Variants in SLC4A10 observed in about 807,000 individuals in gnomAD.
SLC4A10 encodes the protein sodium-driven chloride bicarbonate exchanger.
A neutral mutation model predicts 137.7 loss-of-function variants in SLC4A10; 42 were observed. That is an observed-to-expected ratio of 0.30 (90% CI 0.24 to 0.39). The LOEUF (loss-of-function observed/expected upper bound fraction) is 0.39, where lower values mean the gene tolerates loss of function less well. Ranked by LOEUF, SLC4A10 falls within the 10% of genes least tolerant of loss-of-function variation. SLC4A10 has a pLI of 1.00. For synonymous variants in SLC4A10, 474 were observed against 464.1 expected, an observed-to-expected ratio of 1.02 and a Z score of -0.27; for missense variants, 925 against 1,355.0, an observed-to-expected ratio of 0.68 and a Z score of 4.98.
At chr2:161,961,347 C>G (rs1251705642) in intron 21 of SLC4A10, among the ~76,000 whole-genome samples, 1 of 152,134 alleles carries the variant, frequency 6.6e-6, no homozygotes, top group Non-Finnish European at 1.5e-5. Flanking sequence ...GTATGACTGA[C>G]TCTTCATCCT....
intron 1 of SLC4A10, among the ~76,000 whole-genome samples, chr2:161,751,600 T>C (rs1574760731): frequency 1.3e-5 from 2 of 151,856 alleles, no homozygotes; most frequent in African/African-American, 4.8e-5. Context: ...TAGATATTTA[T>C]TGAGTATATT....
chr2:161,697,191 AGATTCTG>A (rs747668152), intron 1 of SLC4A10, among the ~76,000 whole-genome samples: 3 of 150,978 alleles, frequency 2.0e-5, no homozygotes, highest in Non-Finnish European at 4.4e-5. Context: ...AATTCATTGT[AGATTCTG>A]GATATTAGCC....
intron 15 of SLC4A10, among the ~76,000 whole-genome samples, chr2:161,913,561 A>C (rs936859511): frequency 6.6e-6 from 1 of 152,190 alleles, no homozygotes; most frequent in Non-Finnish European, 1.5e-5. Flanking sequence ...AATTCCAGAG[A>C]AAGTAGCACG....
intron 11 of SLC4A10, among the ~76,000 whole-genome samples, chr2:161,898,630 C>CTGATAACAGGTTAACCTGTTAT (rs2063761176): frequency 6.6e-6 from 1 of 152,052 alleles, no homozygotes; most frequent in Non-Finnish European, 1.5e-5. Flanking sequence ...CCTGTCACCT[C>CTGATAACAGGTTAACCTGTTAT]CAGGGATAAC....
At chr2:161,784,652 A>G (rs2053417746) in intron 2 of SLC4A10, among the ~76,000 whole-genome samples, 1 of 151,858 alleles carries the variant, frequency 6.6e-6, no homozygotes, top group Non-Finnish European at 1.5e-5. Flanking sequence ...TGAACAACTA[A>G]TGGGTCAGAA....
chr2:161,873,063 C>G (rs1236917960), intron 7 of SLC4A10, among the ~76,000 whole-genome samples: 1 of 152,084 alleles, frequency 6.6e-6, no homozygotes, highest in South Asian at 2.1e-4. Context: ...TTCAAAATCA[C>G]TTTTCTTCTA....
rs139998095 is a variant in SLC4A10 at position 161,836,203 on chromosome 2, A to G, written c.278-3586A>G. Among the ~76,000 whole-genome samples, 518 of 152,314 alleles carry G rather than the reference A, an allele frequency of 3.4e-3. 3 individuals are homozygous for G. The highest frequency in any genetic ancestry group is 0.011 in the African/African-American group (457 of 41,578). On this transcript the variant is annotated intron_variant, in intron 3 of 26. Coordinates refer to ENST00000446997, the MANE Select transcript of SLC4A10 (RefSeq NM_001178015.2). ...GAAGCAAACAGACAGAAAACTATGG[A>G]AGAAATAATTGAAGACAGTTGTGGT...
chr2:161,838,802 CTGA>C, intron 3 of SLC4A10, among the ~76,000 whole-genome samples: 1 of 152,284 alleles, frequency 6.6e-6, no homozygotes, highest in African/African-American at 2.4e-5. Context: ...TACAAAACAA[CTGA>C]TAATACCAAG....
At chr2:161,756,123 A>T (rs1335005543) in intron 1 of SLC4A10, among the ~76,000 whole-genome samples, 1 of 152,120 alleles carries the variant, frequency 6.6e-6, no homozygotes, top group South Asian at 2.1e-4. Context: ...CATTTGATTG[A>T]ATTTTGATGG....
chr2:161,889,656 A>G (rs939889065), intron 10 of SLC4A10, among the ~76,000 whole-genome samples: 1 of 151,706 alleles, frequency 6.6e-6, no homozygotes, highest in Admixed American at 6.6e-5. Flanking sequence ...TATTGTGTCT[A>G]TTTGATTTTT....
intron 2 of SLC4A10, among the ~76,000 whole-genome samples, chr2:161,800,559 G>A (rs2055270959): frequency 6.6e-6 from 1 of 151,986 alleles, no homozygotes; most frequent in African/African-American, 2.4e-5. Flanking sequence ...GAAAAGCCTA[G>A]GATGAAAGAT....
chr2:161,783,974 T>C (rs2125492251), intron 2 of SLC4A10, among the ~76,000 whole-genome samples: 1 of 151,998 alleles, frequency 6.6e-6, no homozygotes, highest in Middle Eastern at 3.4e-3. Context: ...ATTAAATGTA[T>C]AATGGAATCA....
intron 15 of SLC4A10, among the ~76,000 whole-genome samples, chr2:161,932,992 G>A (rs192706808): frequency 6.6e-6 from 1 of 152,102 alleles, no homozygotes; most frequent in African/African-American, 2.4e-5. Flanking sequence ...TCTGTGCCTG[G>A]CTTATTCCAC....
rs183816532 is a variant in SLC4A10, at chr2:161,944,715, C to T, written c.2103+1818C>T. ...TGCAATGGATAATTGCTAAACTTGACCAGAAACAGTCTTTATCACCAGAGG... is the reference window on the plus strand; with the variant it reads ...TGCAATGGATAATTGCTAAACTTGATCAGAAACAGTCTTTATCACCAGAGG... On this transcript the variant is annotated intron_variant, in intron 16 of 26. Coordinates refer to ENST00000446997, the MANE Select transcript of SLC4A10 (RefSeq NM_001178015.2). Among the ~76,000 whole-genome samples the T allele has an allele frequency of 3.1e-3, 471 of 151,262 alleles. 4 individuals carry two copies. The Middle Eastern group carries it at 0.034, about 11-fold the overall frequency.
chr2:161,762,847 A>G (rs984263029), intron 1 of SLC4A10, among the ~76,000 whole-genome samples: 1 of 152,062 alleles, frequency 6.6e-6, no homozygotes, highest in Non-Finnish European at 1.5e-5. Flanking sequence ...AACCTTTGAA[A>G]ATGAAAAACA....
At chr2:161,644,848 A>G (rs1351644384) in intron 1 of SLC4A10, among the ~76,000 whole-genome samples, 1 of 152,212 alleles carries the variant, frequency 6.6e-6, no homozygotes, top group Non-Finnish European at 1.5e-5. Context: ...TTCAAGTAAA[A>G]GAAACACACA....
At chr2:161,681,200 C>T (rs961245415) in intron 1 of SLC4A10, among the ~76,000 whole-genome samples, 4 of 152,154 alleles carry the variant, frequency 2.6e-5, no homozygotes, top group African/African-American at 9.6e-5. Flanking sequence ...CTCAATCTTC[C>T]TTTCCCTGCA....
chr2:161,650,621 G>A (rs1485309565), intron 1 of SLC4A10, among the ~76,000 whole-genome samples: 2 of 152,238 alleles, frequency 1.3e-5, no homozygotes, highest in Admixed American at 6.5e-5. Flanking sequence ...TGGAAGTGCC[G>A]GCTCCTGTTC....
At chr2:161,922,012 G>A (rs985687563) in intron 15 of SLC4A10, among the ~76,000 whole-genome samples, 12 of 152,124 alleles carry the variant, frequency 7.9e-5, no homozygotes, top group African/African-American at 2.9e-4. Flanking sequence ...TGAATGCATA[G>A]ACAGGATTCC....
Sources: gnomAD v4.1 joint callset for allele counts (sites outside exome capture counted in the v4.1 genomes callset) on GRCh38, gnomAD v4.1.1 for gene constraint, MANE v1.5 for transcripts, NCBI Gene and HGNC (gene_info 2026-07-23, HGNC 2026-07-21) for gene names.